ABL2: variants seen among roughly 807,000 people sequenced by gnomAD.
ABL2 encodes ABL proto-oncogene 2, non-receptor tyrosine kinase, also known as tyrosine-protein kinase ABL2.
ABL2 carries 49 observed loss-of-function variants against 107.7 expected under a neutral mutation model. The observed-to-expected ratio is 0.45, with a 90% CI of 0.36 to 0.58. The LOEUF is 0.58. Ranked by LOEUF, ABL2 falls within the 20% of genes least tolerant of loss-of-function variation. The pLI is 0.00. For synonymous variants in ABL2, 549 were observed against 548.6 expected, an observed-to-expected ratio of 1.00 and a Z score of -0.01; for missense variants, 1,245 against 1,457.0, an observed-to-expected ratio of 0.85 and a Z score of 2.37.
intron 1 of ABL2, among the ~76,000 whole-genome samples, chr1:179,139,998 A>G (rs1274239394): frequency 6.6e-6 from 1 of 152,184 alleles, no homozygotes; most frequent in Non-Finnish European, 1.5e-5. Flanking sequence ...CTATTTCACT[A>G]GACTCCTGAT....
chr1:179,173,545 T>C (rs1468241821), intron 1 of ABL2, among the ~76,000 whole-genome samples: 1 of 151,754 alleles, frequency 6.6e-6, no homozygotes, highest in African/African-American at 2.4e-5. Context: ...AGAGAGGGGG[T>C]TTCACCATGT....
intron 1 of ABL2, among the ~76,000 whole-genome samples, chr1:179,224,818 C>T (rs113501867): frequency 3.9e-3 from 574 of 146,444 alleles, no homozygotes; most frequent in Non-Finnish European, 5.8e-3. Context: ...AGTTTGAGAC[C>T]AGCCTGAGCA....
chr1:179,120,302 GAA>G (rs1655061366), intron 5 of ABL2, 28 bp from the exon 6 acceptor site: 2 of 1,441,600 alleles, frequency 1.4e-6, no homozygotes, highest in Non-Finnish European at 1.9e-6. Flanking sequence ...TAAGAAAGAA[GAA>G]AACGAGAGGG....
Position 179,121,845 on chromosome 1 carries a change from C to A in ABL2, c.710G>T (p.Arg237Leu), listed in dbSNP as rs371689982. The part of the protein sequence containing the change: ...DGKVYVTAES[R>L]FSTLAELVHH... ...TACAAGCTCTGCCAAGGTGCTGAAGCGGCTCTCAGCAGTCACATACACCTG... is the reference window on the plus strand; with the variant it reads ...TACAAGCTCTGCCAAGGTGCTGAAGAGGCTCTCAGCAGTCACATACACCTG... The change falls in exon 5 of 12, where the codon CGC (arginine) becomes CTC (leucine). Residue 237 changes from arginine (R) to leucine (L), a missense_variant. By Grantham distance (102) the Arg-to-Leu change is moderately radical. Transcript: ENST00000502732. The A allele has an allele frequency of 1.9e-6, 3 of 1,610,614 alleles. No homozygotes were observed. The African/African-American group carries it at 4.0e-5, about 22-fold the overall frequency.
At chr1:179,213,934 C>T (rs1287931713) in intron 1 of ABL2, among the ~76,000 whole-genome samples, 1 of 151,722 alleles carries the variant, frequency 6.6e-6, no homozygotes. Flanking sequence ...AGAGTAAGAC[C>T]CTATCTCTTA....
At chr1:179,188,084 C>G (rs890684803) in intron 1 of ABL2, among the ~76,000 whole-genome samples, 1 of 152,188 alleles carries the variant, frequency 6.6e-6, no homozygotes, top group African/African-American at 2.4e-5. Context: ...TTCTGCCATT[C>G]TGGAAGGATA....
intron 1 of ABL2, among the ~76,000 whole-genome samples, chr1:179,140,937 C>G (rs1327841684): frequency 6.6e-6 from 1 of 151,800 alleles, no homozygotes; most frequent in Non-Finnish European, 1.5e-5. Flanking sequence ...GTCAGGAGTT[C>G]GAGACCAGTC....
chr1:179,165,299 A>AC (rs1182398433), intron 1 of ABL2, among the ~76,000 whole-genome samples: 2 of 152,162 alleles, frequency 1.3e-5, no homozygotes, highest in Non-Finnish European at 2.9e-5. Flanking sequence ...CCCATGTACC[A>AC]CCTCCAGTTT....
intron 1 of ABL2, among the ~76,000 whole-genome samples, chr1:179,160,596 T>C (rs990927437): frequency 6.6e-6 from 1 of 152,170 alleles, no homozygotes; most frequent in Non-Finnish European, 1.5e-5. Flanking sequence ...TTCCTTCATC[T>C]TCCTTATATA....
chr1:179,208,110 ATATT>A (rs1465897911), intron 1 of ABL2, among the ~76,000 whole-genome samples: 1 of 152,198 alleles, frequency 6.6e-6, no homozygotes, highest in African/African-American at 2.4e-5. Flanking sequence ...TAAATCAGTT[ATATT>A]TATTAACCTT....
In ABL2 at chr1:179,143,039, G is replaced by A. The variant is rs752105129; in HGVS notation, c.158-9665C>T. 1.9e-6 allele frequency: 3 copies of A among 1,613,980 alleles called. No homozygotes were observed. The Admixed American group carries it at 5.0e-5, about 27-fold the overall frequency. On this transcript the variant is annotated intron_variant, in intron 1 of 11. Transcript: ENST00000502732. ...TAGGTGGAAGGAGAACTGTCCCAAG[G>A]ACCATACCTCTGCCCAGAAGCACAA...
At chr1:179,208,815 A>G (rs926551612) in intron 1 of ABL2, among the ~76,000 whole-genome samples, 5 of 152,236 alleles carry the variant, frequency 3.3e-5, no homozygotes, top group Non-Finnish European at 5.9e-5. Flanking sequence ...CTAAAGCACA[A>G]CAGTTAAGAG....
At chr1:179,208,189 TGCA>T (rs1662083735) in intron 1 of ABL2, among the ~76,000 whole-genome samples, 1 of 152,180 alleles carries the variant, frequency 6.6e-6, no homozygotes, top group African/African-American at 2.4e-5. Context: ...GGGGTACATG[TGCA>T]GATTTGTCAC....
chr1:179,218,554 G>A (rs1340002633), intron 1 of ABL2, among the ~76,000 whole-genome samples: 14 of 152,032 alleles, frequency 9.2e-5, no homozygotes, highest in African/African-American at 2.7e-4. Context: ...ACGCCACCAC[G>A]CCCAGCTAAT....
intron 1 of ABL2, among the ~76,000 whole-genome samples, chr1:179,145,854 G>C (rs568328948): frequency 1.8e-4 from 28 of 151,722 alleles, no homozygotes; most frequent in Non-Finnish European, 3.7e-4. Context: ...TGGAAATCCA[G>C]TGAACAGTTT....
Position 179,103,980 on chromosome 1 carries a change from A to G in ABL2, c.*3738T>C, listed in dbSNP as rs961863819. 7 of 233,428 alleles carry G rather than the reference A, an allele frequency of 3.0e-5. No individual in the cohort carries two copies. The highest frequency in any genetic ancestry group is 4.4e-5 in the African/African-American group (2 of 45,346). The allele number at this position is 233,428 out of a possible 1,614,324, so 14.5% of individuals were successfully genotyped here. Reference sequence around the variant, plus strand: ...ACCTGGCGAGATTACTGGAGAATACACTGGCCGAGACCCCAGCCCACTGGG... The same window carrying G: ...ACCTGGCGAGATTACTGGAGAATACGCTGGCCGAGACCCCAGCCCACTGGG... On this transcript the variant is annotated 3_prime_UTR_variant, in exon 12 of 12. Transcript: ENST00000502732.
At chr1:179,127,276 G>A (rs184288714) in intron 3 of ABL2, among the ~76,000 whole-genome samples, 81 of 152,242 alleles carry the variant, frequency 5.3e-4, no homozygotes, top group African/African-American at 1.7e-3. Context: ...GGAATGGGCA[G>A]TTAGGACTCC....
At chr1:179,171,647 C>A (rs1659725429) in intron 1 of ABL2, among the ~76,000 whole-genome samples, 1 of 152,164 alleles carries the variant, frequency 6.6e-6, no homozygotes, top group South Asian at 2.1e-4. Context: ...CCCAGCCTCC[C>A]AAGTAGTTGG....
intron 1 of ABL2, among the ~76,000 whole-genome samples, chr1:179,185,819 G>A (rs762417756): frequency 1.3e-5 from 2 of 152,030 alleles, no homozygotes; most frequent in Non-Finnish European, 2.9e-5. Context: ...AGTTACTCCT[G>A]TAATACTATT....
Sources: gnomAD v4.1 joint callset for allele counts (sites outside exome capture counted in the v4.1 genomes callset) on GRCh38, gnomAD v4.1.1 for gene constraint, MANE v1.5 for transcripts, NCBI Gene and HGNC (gene_info 2026-07-23, HGNC 2026-07-21) for gene names.